WDR7: variants seen among roughly 807,000 people sequenced by gnomAD.
The protein encoded by WDR7 is WD repeat domain 7.
In WDR7, 46 loss-of-function variants were observed where a neutral mutation model predicts 169.4. That is an observed-to-expected ratio of 0.27 (90% confidence interval 0.21 to 0.35). The LOEUF (loss-of-function observed/expected upper bound fraction) is 0.35, where lower values mean the gene tolerates loss of function less well. WDR7 is among the 10% of genes least tolerant of loss of function. The pLI is 1.00. For missense variants in WDR7, 1,534 were observed against 1,859.3 expected (o/e 0.83, Z 3.22); for synonymous variants, 612 against 666.8 (o/e 0.92, Z 1.27).
intron 21 of WDR7, among the ~76,000 whole-genome samples, chr18:56,904,845 T>C (rs769253676): frequency 1.3e-5 from 2 of 152,172 alleles, no homozygotes; most frequent in African/African-American, 4.8e-5. Flanking sequence ...CCAGATGAAC[T>C]AGAGAACATT....
At chr18:56,717,887 C>A in intron 12 of WDR7, 77 bp from the exon 13 acceptor site, 1 of 1,396,114 alleles carries the variant, frequency 7.2e-7, no homozygotes, top group South Asian at 1.7e-5. Context: ...ATTAATTTTG[C>A]CTTAAGTTAT....
chr18:56,861,190 G>A (rs1400180582), intron 20 of WDR7, among the ~76,000 whole-genome samples: 1 of 152,104 alleles, frequency 6.6e-6, no homozygotes, highest in African/African-American at 2.4e-5. Context: ...AGATTCAATA[G>A]GCCAATTGCA....
chr18:56,956,775 C>G (rs918015642), intron 25 of WDR7, among the ~76,000 whole-genome samples: 1 of 152,070 alleles, frequency 6.6e-6, no homozygotes, highest in Non-Finnish European at 1.5e-5. Flanking sequence ...GCAGTTGATT[C>G]GATTTTAAAT....
chr18:56,721,122 T>G (rs757787345), intron 13 of WDR7, among the ~76,000 whole-genome samples: 1 of 152,150 alleles, frequency 6.6e-6, no homozygotes, highest in Non-Finnish European at 1.5e-5. Context: ...ATTTAAACTC[T>G]GAGGAGATAC....
chr18:56,770,840 T>G (rs144168557), intron 16 of WDR7, among the ~76,000 whole-genome samples: 9 of 152,294 alleles, frequency 5.9e-5, no homozygotes, highest in African/African-American at 2.2e-4. Context: ...CATTTCTATA[T>G]TGCTTCTAAA....
chr18:56,848,167 G>A (rs897017199), intron 20 of WDR7, among the ~76,000 whole-genome samples: 4 of 152,246 alleles, frequency 2.6e-5, no homozygotes, highest in African/African-American at 9.6e-5. Flanking sequence ...CCCTTGCACA[G>A]TGTGTCCTGG....
At chr18:56,871,136 T>A (rs1344051679) in intron 20 of WDR7, among the ~76,000 whole-genome samples, 4 of 152,192 alleles carry the variant, frequency 2.6e-5, no homozygotes, top group Non-Finnish European at 5.9e-5. Context: ...CTCAGACTAT[T>A]TATTTTGACT....
At position 56,906,496 on chromosome 18, in the gene WDR7, C is replaced by G. The variant is rs568903286; in HGVS notation, c.3527-17426C>G. Among the ~76,000 whole-genome samples the G allele has an allele frequency of 2.6e-5, 4 of 151,714 alleles. No homozygotes were observed. The South Asian group carries it at 8.3e-4, about 32-fold the overall frequency. ...AGTTGTTGAAGCTGGATGATGGGTA[C>G]AGCAAGGCTTATATGCTTCTTTTTT... On this transcript the variant is annotated intron_variant, in intron 21 of 27. Coordinates refer to ENST00000254442, the MANE Select transcript of WDR7 (RefSeq NM_015285.3).
At chr18:56,760,440 C>A (rs181517556) in intron 16 of WDR7, among the ~76,000 whole-genome samples, 203 of 152,212 alleles carry the variant, frequency 1.3e-3, no homozygotes, top group Middle Eastern at 6.8e-3. Flanking sequence ...TAAATTTAGT[C>A]AATTAAACAG....
intron 1 of WDR7, among the ~76,000 whole-genome samples, chr18:56,670,560 G>T (rs2025111210): frequency 6.6e-6 from 1 of 152,012 alleles, no homozygotes; most frequent in Non-Finnish European, 1.5e-5. Context: ...TGCCAGGCTG[G>T]AATGCAGTGG....
rs750027755 is a variant in WDR7, at chr18:56,694,958, A to G, written c.1117A>G (p.Met373Val). The change falls in exon 11 of 28, where the codon ATG (methionine) becomes GTG (valine). Residue 373 changes from methionine to valine, a missense_variant. Met to Val is a conservative substitution (Grantham distance 21). Transcript: ENST00000254442. ...AAACCAAACCTCTACAGGGCTGGCA[A>G]TGACAACTTCTATTAGTTTGCAAGA... ...DKQGSEEGLAMTTSISLQEAF... is the reference protein window; with the variant it reads ...DKQGSEEGLAVTTSISLQEAF... 12 of 1,613,444 alleles carry G rather than the reference A, an allele frequency of 7.4e-6. No homozygotes were observed. Among genetic ancestry groups the G allele is most frequent in the South Asian group, 5.5e-5 (5 of 91,060 alleles).
chr18:56,827,536 G>C (rs1281790852), intron 20 of WDR7, among the ~76,000 whole-genome samples: 1 of 152,016 alleles, frequency 6.6e-6, no homozygotes. Context: ...GTAGAAGGAG[G>C]GTAGAGAGCC....
At chr18:56,826,409 C>G (rs1297315630) in intron 20 of WDR7, among the ~76,000 whole-genome samples, 1 of 152,128 alleles carries the variant, frequency 6.6e-6, no homozygotes, top group Non-Finnish European at 1.5e-5. Context: ...CTCCTTCTTC[C>G]TGATACTTCA....
At chr18:56,678,359 G>A (rs1346978774) in intron 2 of WDR7, among the ~76,000 whole-genome samples, 1 of 152,154 alleles carries the variant, frequency 6.6e-6, no homozygotes, top group Non-Finnish European at 1.5e-5. Flanking sequence ...GGCCATGGAG[G>A]AATTAAGTAT....
intron 20 of WDR7, among the ~76,000 whole-genome samples, chr18:56,857,045 T>TGTC (rs1265482662): frequency 6.6e-6 from 1 of 152,200 alleles, no homozygotes; most frequent in Non-Finnish European, 1.5e-5. Context: ...TGTGAGAATG[T>TGTC]GTCAAATGCC....
At chr18:56,850,713 C>G (rs773792744) in intron 20 of WDR7, among the ~76,000 whole-genome samples, 1 of 152,034 alleles carries the variant, frequency 6.6e-6, no homozygotes, top group Admixed American at 6.6e-5. Context: ...GGGTTTTGCT[C>G]TGTTGCCTAG....
At chr18:56,714,306 A>T (rs1247579972) in intron 12 of WDR7, among the ~76,000 whole-genome samples, 1 of 151,486 alleles carries the variant, frequency 6.6e-6, no homozygotes, top group Non-Finnish European at 1.5e-5. Flanking sequence ...GGGCTTAGTA[A>T]TATTGATTTT....
intron 7 of WDR7, among the ~76,000 whole-genome samples, chr18:56,687,298 G>C (rs779169898): frequency 5.3e-4 from 81 of 152,156 alleles, no homozygotes; most frequent in Non-Finnish European, 6.6e-4. Flanking sequence ...ACATTTCTTT[G>C]TAGGGTGTTA....
chr18:56,858,850 T>C (rs1325690530), intron 20 of WDR7, among the ~76,000 whole-genome samples: 2 of 152,262 alleles, frequency 1.3e-5, no homozygotes, highest in East Asian at 3.9e-4. Context: ...ATGACAGAAG[T>C]CGTCTCAACC....
Sources: gnomAD v4.1 joint callset for allele counts (sites outside exome capture counted in the v4.1 genomes callset) on GRCh38, gnomAD v4.1.1 for gene constraint, MANE v1.5 for transcripts, NCBI Gene and HGNC (gene_info 2026-07-23, HGNC 2026-07-21) for gene names.